The following CHL1 variants were observed in gnomAD, a reference collection of about 807,000 sequenced individuals.
CHL1 encodes the protein neural cell adhesion molecule L1-like protein.
A neutral mutation model predicts 141.9 loss-of-function variants in CHL1; 96 were observed. The ratio of observed to expected loss-of-function variants is 0.68; its 90% CI spans 0.57 to 0.80. The LOEUF is 0.80. CHL1 is among the 30% of genes least tolerant of loss of function. The pLI, the probability that CHL1 is intolerant of heterozygous loss-of-function variation, is 0.00. For synonymous variants in CHL1, 613 were observed against 502.2 expected (o/e 1.22, Z -2.95); for missense variants, 1,820 against 1,457.2 (o/e 1.25, Z -4.05).
intron 2 of CHL1, among the ~76,000 whole-genome samples, chr3:255,667 T>G (rs939977199): frequency 1.3e-5 from 2 of 152,218 alleles, no homozygotes; most frequent in Non-Finnish European, 2.9e-5. Context: ...GGATCATCTG[T>G]GTACTTCAAG....
chr3:250,332 A>G (rs1371100782), intron 2 of CHL1, among the ~76,000 whole-genome samples: 1 of 152,152 alleles, frequency 6.6e-6, no homozygotes. Context: ...AAGCAATTAG[A>G]CCAGGTTTGT....
chr3:331,407 T>C (rs753567068), intron 5 of CHL1, among the ~76,000 whole-genome samples: 5 of 151,972 alleles, frequency 3.3e-5, no homozygotes, highest in Admixed American at 6.6e-5. Context: ...CAATTTTTAT[T>C]TTTATTTTTA....
chr3:333,139 T>TTTTTTTTTTTTTTC, intron 5 of CHL1, among the ~76,000 whole-genome samples: 1 of 140,098 alleles, frequency 7.1e-6, no homozygotes, highest in Non-Finnish European at 1.6e-5. Context: ...TTTTATTTTT[T>TTTTTTTTTTTTTTC]TTTTTTGCTG....
At chr3:228,805 A>C (rs1701608063) in intron 1 of CHL1, among the ~76,000 whole-genome samples, 1 of 152,186 alleles carries the variant, frequency 6.6e-6, no homozygotes, top group African/African-American at 2.4e-5. Context: ...GCATATTTTA[A>C]ACTCAAAATA....
intron 12 of CHL1, among the ~76,000 whole-genome samples, chr3:361,127 T>C (rs1704205956): frequency 1.3e-5 from 2 of 151,862 alleles, no homozygotes. Flanking sequence ...GGGAAAGGAA[T>C]CCCTATTTAA....
chr3:275,856 T>C (rs1191170691), intron 2 of CHL1, among the ~76,000 whole-genome samples: 3 of 152,108 alleles, frequency 2.0e-5, no homozygotes, highest in Non-Finnish European at 2.9e-5. Context: ...AATTTAAATA[T>C]TATTAGCAAT....
At position 408,294 on chromosome 3, in the gene CHL1, T is replaced by G. The variant is rs1205997555; in HGVS notation, c.*2583T>G. 1 of 152,126 alleles carries G rather than the reference T, an allele frequency of 6.6e-6. No individual in the cohort carries two copies. Among genetic ancestry groups the G allele is most frequent in the Admixed American group, 6.6e-5 (1 of 15,250 alleles). 9.4% of individuals were successfully genotyped at this position (152,126 alleles called of 1,614,324 possible). ...TCTCTAGTCTACTGTCAATATCATTTTAATGTAATTGATTGTATATAGTCT... is the reference window on the plus strand; with the variant it reads ...TCTCTAGTCTACTGTCAATATCATTGTAATGTAATTGATTGTATATAGTCT... On this transcript the variant is annotated 3_prime_UTR_variant, in exon 28 of 28. Transcript: ENST00000256509.
chr3:358,115 T>C (rs1703879229), intron 11 of CHL1, among the ~76,000 whole-genome samples: 1 of 152,224 alleles, frequency 6.6e-6, no homozygotes. Flanking sequence ...AAATAGTGCA[T>C]GTACACTATT....
chr3:271,319 G>T (rs1002872976), intron 2 of CHL1, among the ~76,000 whole-genome samples: 2 of 152,166 alleles, frequency 1.3e-5, no homozygotes, highest in Non-Finnish European at 2.9e-5. Context: ...CATGCCTGTA[G>T]TTCCAGGTAC....
intron 19 of CHL1, among the ~76,000 whole-genome samples, chr3:386,231 T>C (rs1478991226): frequency 6.7e-6 from 1 of 149,418 alleles, no homozygotes; most frequent in Non-Finnish European, 1.5e-5. Flanking sequence ...AAAAAGCTGA[T>C]CTTTCCCAAA....
At chr3:221,324 T>C (rs1195725451) in intron 1 of CHL1, among the ~76,000 whole-genome samples, 1 of 152,224 alleles carries the variant, frequency 6.6e-6, no homozygotes, top group Non-Finnish European at 1.5e-5. Flanking sequence ...TCATTGACAC[T>C]AATCATCATT....
chr3:364,768 G>T (rs975162841), intron 14 of CHL1, among the ~76,000 whole-genome samples: 2 of 151,958 alleles, frequency 1.3e-5, no homozygotes, highest in Non-Finnish European at 2.9e-5. Flanking sequence ...GCCCATTCCC[G>T]GTTAGGAAAC....
intron 13 of CHL1, 132 bp from the exon 14 acceptor site, chr3:363,085 C>T (rs1704443873): frequency 1.9e-5 from 13 of 666,840 alleles, no homozygotes; most frequent in South Asian, 7.6e-5. Flanking sequence ...AATATGAAAC[C>T]CACTGGAACA....
At chr3:369,667 T>C (rs1705375388) in intron 15 of CHL1, among the ~76,000 whole-genome samples, 4 of 152,274 alleles carry the variant, frequency 2.6e-5, no homozygotes, top group Admixed American at 2.6e-4. Context: ...GGCATCCTTG[T>C]CTTGTACTAG....
intron 19 of CHL1, among the ~76,000 whole-genome samples, chr3:385,330 A>G (rs1310492368): frequency 6.6e-6 from 1 of 152,200 alleles, no homozygotes; most frequent in Admixed American, 6.5e-5. Context: ...TGATGGTGTC[A>G]GTCTTATATG....
At chr3:330,617 A>G (rs1201689794) in intron 5 of CHL1, among the ~76,000 whole-genome samples, 1 of 152,200 alleles carries the variant, frequency 6.6e-6, no homozygotes, top group Non-Finnish European at 1.5e-5. Flanking sequence ...ATTTATTGGA[A>G]GAATCTATAC....
Position 323,814 on chromosome 3 carries a change from A to G in CHL1, c.92-2145A>G, listed in dbSNP as rs112637125. On this transcript the variant is annotated intron_variant, in intron 3 of 27. Transcript: ENST00000256509. ...TGGGATTTCTAGGCTGCAGTGAGCA[A>G]TGATCCTGCCACTGCACTGCAGCCT... 1.6e-3 allele frequency among the ~76,000 whole-genome samples: 236 copies of G among 152,236 alleles called. 1 individual carries two copies. The highest frequency in any genetic ancestry group is 5.2e-3 in the African/African-American group (216 of 41,562).
At chr3:214,376 A>G (rs1049805377) in intron 1 of CHL1, among the ~76,000 whole-genome samples, 2 of 152,204 alleles carry the variant, frequency 1.3e-5, no homozygotes, top group African/African-American at 2.4e-5. Flanking sequence ...AATGACTTCA[A>G]ATATTAGGAT....
intron 5 of CHL1, among the ~76,000 whole-genome samples, chr3:340,350 C>G (rs114262205): frequency 6.6e-6 from 1 of 152,150 alleles, no homozygotes; most frequent in Admixed American, 6.6e-5. Flanking sequence ...GGTTAATGCA[C>G]TGGCTGGAAT....
Sources: gnomAD v4.1 joint callset for allele counts (sites outside exome capture counted in the v4.1 genomes callset) on GRCh38, gnomAD v4.1.1 for gene constraint, MANE v1.5 for transcripts, NCBI Gene and HGNC (gene_info 2026-07-23, HGNC 2026-07-21) for gene names.